Variants in ANO6 observed in about 807,000 individuals in gnomAD.
ANO6 encodes anoctamin 6.
Under a neutral mutation model 117.5 loss-of-function variants are expected in ANO6, and 106 were observed. The observed-to-expected ratio is 0.90, with a 90% CI of 0.77 to 1.06. The LOEUF (loss-of-function observed/expected upper bound fraction) is 1.06. Ranked by LOEUF, ANO6 falls within the 50% of genes least tolerant of loss-of-function variation. The pLI is 0.00. For synonymous variants in ANO6, 367 were observed against 385.1 expected (o/e 0.95, Z 0.55); for missense variants, 955 against 1,121.1 (o/e 0.85, Z 2.12).
intron 1 of ANO6, among the ~76,000 whole-genome samples, chr12:45,262,692 G>A (rs898331393): frequency 6.6e-6 from 1 of 152,138 alleles, no homozygotes; most frequent in African/African-American, 2.4e-5. Context: ...CCAGAGTGCT[G>A]GGATTACAGG....
rs776007814 is a variant in ANO6, at chr12:45,429,153, G to A, written c.2575G>A (p.Val859Ile). Reference sequence around the variant, plus strand: ...TTTCATTTCATATGCAATTCCCGATGTATCAAAACGCACAAAGAGCAAGAT... The same window carrying A: ...TTTCATTTCATATGCAATTCCCGATATATCAAAACGCACAAAGAGCAAGAT... The part of the protein sequence containing the change: ...KFFISYAIPD[V>I]SKRTKSKIQR... The change falls in exon 20 of 20, where the codon GTA becomes ATA. Residue 859 changes from valine to isoleucine, a missense_variant. Transcript: ENST00000320560. 6.2e-6 allele frequency: 10 copies of A among 1,613,694 alleles called. No homozygotes were observed. The highest frequency in any genetic ancestry group is 8.5e-6 in the Non-Finnish European group (10 of 1,179,912).
At chr12:45,216,746 C>A (rs11612233) in intron 1 of ANO6, among the ~76,000 whole-genome samples, 17,911 of 152,264 alleles carry the variant, frequency 0.12, 1,522 homozygotes, top group East Asian at 0.3. Context: ...TAGGGTTGCC[C>A]AGGAGCCTCG....
At chr12:45,299,689 A>G (rs952413000) in intron 1 of ANO6, among the ~76,000 whole-genome samples, 26 of 151,938 alleles carry the variant, frequency 1.7e-4, no homozygotes, top group African/African-American at 6.0e-4. Flanking sequence ...CTTCTCTACT[A>G]AAAATACAAA....
chr12:45,242,684 T>G (rs1228015336), intron 1 of ANO6, among the ~76,000 whole-genome samples: 3 of 152,250 alleles, frequency 2.0e-5, no homozygotes, highest in African/African-American at 7.2e-5. Flanking sequence ...ATACCAGAGC[T>G]GTTCCTATTC....
intron 8 of ANO6, among the ~76,000 whole-genome samples, chr12:45,360,724 A>G (rs955200970): frequency 3.9e-5 from 6 of 152,056 alleles, no homozygotes; most frequent in African/African-American, 1.2e-4. Flanking sequence ...ATCTTCTAAG[A>G]GTTTTATGGA....
In ANO6 at chr12:45,322,187, G is replaced by A. The variant is rs148566517; in HGVS notation, c.151-9108G>A. Among the ~76,000 whole-genome samples the A allele has an allele frequency of 4.6e-5, 7 of 152,228 alleles. No individual in the cohort carries two copies. The East Asian group carries it at 1.2e-3, about 25-fold the overall frequency. On this transcript the variant is annotated intron_variant, in intron 2 of 19. Transcript: ENST00000320560. ...GAGCACACATCCATTGGCACAGAGG[G>A]TGATACGAGAAGAGAGAAAGAAACA...
chr12:45,248,451 G>C (rs1269126314), intron 1 of ANO6, among the ~76,000 whole-genome samples: 1 of 129,360 alleles, frequency 7.7e-6, no homozygotes, highest in Non-Finnish European at 1.6e-5. Context: ...TTTTTTTGGT[G>C]GGGACAGAGT....
intron 1 of ANO6, among the ~76,000 whole-genome samples, chr12:45,254,138 A>T (rs941585316): frequency 6.6e-6 from 1 of 152,150 alleles, no homozygotes; most frequent in Non-Finnish European, 1.5e-5. Context: ...CTGCACTCCA[A>T]CCTAGCAACA....
At chr12:45,305,097 G>C (rs2083808256) in intron 2 of ANO6, among the ~76,000 whole-genome samples, 1 of 152,158 alleles carries the variant, frequency 6.6e-6, no homozygotes, top group African/African-American at 2.4e-5. Flanking sequence ...TGCAAAAATG[G>C]TAAGTGGTGA....
chr12:45,266,726 A>G (rs556246635), intron 1 of ANO6, among the ~76,000 whole-genome samples: 3 of 152,022 alleles, frequency 2.0e-5, no homozygotes, highest in Admixed American at 2.0e-4. Flanking sequence ...GATCCCAGGA[A>G]GTGGAGGTTG....
intron 1 of ANO6, among the ~76,000 whole-genome samples, chr12:45,237,981 T>A (rs1396795975): frequency 2.6e-5 from 4 of 152,144 alleles, no homozygotes; most frequent in African/African-American, 7.2e-5. Context: ...ATTCTCTTTG[T>A]AGCAGTTGTG....
chr12:45,288,393 A>T (rs2137271058), intron 1 of ANO6, among the ~76,000 whole-genome samples: 1 of 152,270 alleles, frequency 6.6e-6, no homozygotes, highest in East Asian at 1.9e-4. Context: ...CAATTAAACA[A>T]TAACTCCCCA....
At chr12:45,409,242 A>G (rs1237555645) in intron 15 of ANO6, 115 bp from the exon 16 acceptor site, 1 of 1,379,780 alleles carries the variant, frequency 7.2e-7, no homozygotes, top group Non-Finnish European at 1.0e-6. Flanking sequence ...GCATGCAAAC[A>G]AAAAAATAGT....
chr12:45,277,405 A>G (rs571037470), intron 1 of ANO6, among the ~76,000 whole-genome samples: 11 of 152,220 alleles, frequency 7.2e-5, no homozygotes, highest in African/African-American at 2.2e-4. Context: ...AATCCTGTCA[A>G]ATTCATCCTT....
At chr12:45,301,433 C>T (rs1366734540) in intron 1 of ANO6, among the ~76,000 whole-genome samples, 2 of 149,268 alleles carry the variant, frequency 1.3e-5, no homozygotes, top group Non-Finnish European at 3.0e-5. Flanking sequence ...CCTGTCTCTA[C>T]AAAAGAAAAA....
At chr12:45,376,281 GA>G (rs1434521469) in intron 9 of ANO6, among the ~76,000 whole-genome samples, 15 of 127,366 alleles carry the variant, frequency 1.2e-4, no homozygotes, top group African/African-American at 4.9e-4. Flanking sequence ...AACCATTGTG[GA>G]AGTCAGTGTG....
intron 1 of ANO6, among the ~76,000 whole-genome samples, chr12:45,283,334 G>A (rs1205803878): frequency 1.3e-5 from 2 of 152,190 alleles, no homozygotes; most frequent in African/African-American, 4.8e-5. Context: ...AAGTGCTGAA[G>A]TCACAAGAAG....
rs575284805 is a variant in ANO6 at position 45,393,870 on chromosome 12, G to A, written c.1386+3372G>A. On this transcript the variant is annotated intron_variant, in intron 12 of 19. Coordinates refer to ENST00000320560, the MANE Select transcript of ANO6 (RefSeq NM_001025356.3). ...GCACTAAACATGGAAAGGAACAACCGGTACCAGCCCCAGCAAAAACATGCC... is the reference window on the plus strand; with the variant it reads ...GCACTAAACATGGAAAGGAACAACCAGTACCAGCCCCAGCAAAAACATGCC... Among the ~76,000 whole-genome samples, 137 of 152,258 alleles carry A rather than the reference G, an allele frequency of 9.0e-4. 1 individual carries two copies. Among genetic ancestry groups the A allele is most frequent in the South Asian group, 7.3e-3 (35 of 4,818 alleles).
chr12:45,303,643 G>A (rs967848617), intron 2 of ANO6, among the ~76,000 whole-genome samples: 1 of 152,168 alleles, frequency 6.6e-6, no homozygotes, highest in Non-Finnish European at 1.5e-5. Flanking sequence ...CCACAGATAA[G>A]GCAGATACAC....
Sources: gnomAD v4.1 joint callset for allele counts (sites outside exome capture counted in the v4.1 genomes callset) on GRCh38, gnomAD v4.1.1 for gene constraint, MANE v1.5 for transcripts, NCBI Gene and HGNC (gene_info 2026-07-23, HGNC 2026-07-21) for gene names.